TACR3: variants seen among roughly 807,000 people sequenced by gnomAD.
The protein encoded by TACR3 is neuromedin-K receptor.
TACR3 carries 34 observed loss-of-function variants against 35.0 expected under a neutral mutation model. That is an observed-to-expected ratio of 0.97 (90% CI 0.74 to 1.30). TACR3 has a LOEUF of 1.30. Ranked by LOEUF, TACR3 falls within the 50% of genes most tolerant of loss-of-function variation. TACR3 has a pLI of 0.00. For missense variants in TACR3, 558 were observed against 591.7 expected, an observed-to-expected ratio of 0.94 and a Z score of 0.59; for synonymous variants, 233 against 221.1, an observed-to-expected ratio of 1.05 and a Z score of -0.48.
rs542518414 is a variant in TACR3, at chr4:103,599,174, C to T, written c.889-7491G>A. ...CTCCTTGAAGAGCTCCTTCATATCC[C>T]TTGTAAGTTGGATTCCTAGGTATTT... On this transcript the variant is annotated intron_variant, in intron 3 of 4. Transcript: ENST00000304883. 3.9e-5 allele frequency among the ~76,000 whole-genome samples: 6 copies of T among 152,240 alleles called. No homozygotes were observed. In the East Asian group the frequency reaches 7.7e-4, roughly 20 times the overall value.
At chr4:103,594,504 G>A (rs1246674846) in intron 3 of TACR3, among the ~76,000 whole-genome samples, 1 of 152,108 alleles carries the variant, frequency 6.6e-6, no homozygotes, top group Non-Finnish European at 1.5e-5. Context: ...TGGGGCACAT[G>A]AAAGCATTAG....
At chr4:103,643,601 G>T (rs1019026179) in intron 3 of TACR3, among the ~76,000 whole-genome samples, 1 of 151,776 alleles carries the variant, frequency 6.6e-6, no homozygotes, top group Non-Finnish European at 1.5e-5. Flanking sequence ...TCAGTTTTTT[G>T]ATTTGTTAAA....
At chr4:103,625,879 G>A (rs1724881227) in intron 3 of TACR3, among the ~76,000 whole-genome samples, 1 of 152,024 alleles carries the variant, frequency 6.6e-6, no homozygotes, top group South Asian at 2.1e-4. Flanking sequence ...TCATACACCT[G>A]GTCTGTAATC....
chr4:103,681,850 A>G (rs1408628489), intron 1 of TACR3, among the ~76,000 whole-genome samples: 1 of 152,154 alleles, frequency 6.6e-6, no homozygotes, highest in African/African-American at 2.4e-5. Flanking sequence ...GATGACCCAT[A>G]TTCTAGAATA....
intron 3 of TACR3, among the ~76,000 whole-genome samples, chr4:103,614,474 A>ATGTT (rs1451407503): frequency 2.0e-5 from 3 of 152,172 alleles, no homozygotes; most frequent in Admixed American, 1.3e-4. Flanking sequence ...GCAGTGGTAT[A>ATGTT]TGTTTAAGCT....
At chr4:103,706,847 G>A (rs536818754) in intron 1 of TACR3, among the ~76,000 whole-genome samples, 9 of 152,162 alleles carry the variant, frequency 5.9e-5, no homozygotes, top group African/African-American at 1.2e-4. Context: ...GGATAAAATC[G>A]ATTCCAAGAG....
intron 1 of TACR3, among the ~76,000 whole-genome samples, chr4:103,673,703 G>T (rs1420352443): frequency 2.6e-5 from 4 of 152,126 alleles, no homozygotes; most frequent in African/African-American, 4.8e-5. Flanking sequence ...AGTTTTGCTC[G>T]ATGCAGGATT....
intron 1 of TACR3, among the ~76,000 whole-genome samples, chr4:103,707,856 C>A (rs1050656888): frequency 6.6e-6 from 1 of 152,168 alleles, no homozygotes; most frequent in African/African-American, 2.4e-5. Context: ...GAGATTATAT[C>A]CTGCGCCTGG....
At chr4:103,629,379 A>G (rs1724990232) in intron 3 of TACR3, among the ~76,000 whole-genome samples, 1 of 152,152 alleles carries the variant, frequency 6.6e-6, no homozygotes, top group Non-Finnish European at 1.5e-5. Context: ...ATGATTGTAT[A>G]TCTAGAAAAC....
chr4:103,610,259 T>C (rs1724483609), intron 3 of TACR3, among the ~76,000 whole-genome samples: 1 of 152,148 alleles, frequency 6.6e-6, no homozygotes, highest in Non-Finnish European at 1.5e-5. Flanking sequence ...AGAGTTCTTT[T>C]TCCTGTGCAC....
intron 1 of TACR3, among the ~76,000 whole-genome samples, chr4:103,702,822 G>A (rs1322851328): frequency 2.0e-5 from 3 of 146,704 alleles, no homozygotes; most frequent in Non-Finnish European, 4.5e-5. Context: ...AACATCACAT[G>A]TTCTCACTCA....
intron 1 of TACR3, among the ~76,000 whole-genome samples, chr4:103,711,213 C>T (rs1722949425): frequency 6.6e-6 from 1 of 152,168 alleles, no homozygotes; most frequent in Non-Finnish European, 1.5e-5. Flanking sequence ...AGACCAATAT[C>T]CCTGATGAAC....
At position 103,639,414 on chromosome 4, in the gene TACR3, G is replaced by A. The variant is rs1246105189; in HGVS notation, c.888+16780C>T. Among the ~76,000 whole-genome samples the A allele has an allele frequency of 2.6e-5, 4 of 152,116 alleles. No homozygotes were observed. In the East Asian group the frequency reaches 7.8e-4, roughly 29 times the overall value. On this transcript the variant is annotated intron_variant, in intron 3 of 4. Transcript: ENST00000304883. ...AATGAGAACACATGGACACAGGAAGGGGAACATCACACACCAGGGACTGTT... is the reference window on the plus strand; with the variant it reads ...AATGAGAACACATGGACACAGGAAGAGGAACATCACACACCAGGGACTGTT...
chr4:103,680,490 TAC>T (rs1722019285), intron 1 of TACR3, among the ~76,000 whole-genome samples: 1 of 140,454 alleles, frequency 7.1e-6, no homozygotes, highest in African/African-American at 2.7e-5. Context: ...TATATATACA[TAC>T]ATACACACAC....
intron 1 of TACR3, among the ~76,000 whole-genome samples, chr4:103,681,657 C>A (rs1722092874): frequency 6.6e-6 from 1 of 152,008 alleles, no homozygotes; most frequent in South Asian, 2.1e-4. Flanking sequence ...CACAAATTCA[C>A]AATTATAATT....
intron 1 of TACR3, among the ~76,000 whole-genome samples, chr4:103,687,267 A>G (rs1322028939): frequency 6.6e-6 from 1 of 152,206 alleles, no homozygotes; most frequent in Non-Finnish European, 1.5e-5. Context: ...AGAGCTATCT[A>G]TGACAAATCC....
chr4:103,652,116 C>T (rs1480887084), intron 3 of TACR3, among the ~76,000 whole-genome samples: 1 of 152,088 alleles, frequency 6.6e-6, no homozygotes, highest in Non-Finnish European at 1.5e-5. Context: ...AGGTTGTACA[C>T]CACCCAAGTC....
chr4:103,703,095 C>T (rs1283712263), intron 1 of TACR3, among the ~76,000 whole-genome samples: 1 of 151,896 alleles, frequency 6.6e-6, no homozygotes, highest in Non-Finnish European at 1.5e-5. Context: ...AAAAAATATA[C>T]CTCAAAAGTA....
At chr4:103,712,866 A>T (rs1578269569) in intron 1 of TACR3, among the ~76,000 whole-genome samples, 1 of 152,366 alleles carries the variant, frequency 6.6e-6, no homozygotes, top group East Asian at 1.9e-4. Flanking sequence ...CAAAAGACAC[A>T]TGAAAAAATG....
Sources: gnomAD v4.1 joint callset for allele counts (sites outside exome capture counted in the v4.1 genomes callset) on GRCh38, gnomAD v4.1.1 for gene constraint, MANE v1.5 for transcripts, NCBI Gene and HGNC (gene_info 2026-07-23, HGNC 2026-07-21) for gene names.